The following PRORP variants were observed in gnomAD, a reference collection of about 807,000 sequenced individuals.
PRORP encodes the protein protein only RNase P catalytic subunit, also known as mitochondrial ribonuclease P catalytic subunit.
In PRORP, 51 loss-of-function variants were observed where a neutral mutation model predicts 59.4. The observed-to-expected ratio is 0.86, with a 90% CI of 0.69 to 1.08. The LOEUF (loss-of-function observed/expected upper bound fraction) is 1.08. Among genes scored for constraint, PRORP ranks in the 50% least tolerant of loss-of-function variants. PRORP has a pLI of 0.00. For synonymous variants in PRORP, 231 were observed against 245.6 expected, an observed-to-expected ratio of 0.94 and a Z score of 0.55; for missense variants, 646 against 690.3, an observed-to-expected ratio of 0.94 and a Z score of 0.72.
Position 35,124,516 on chromosome 14 carries a change from T to A in PRORP, c.986+285T>A, listed in dbSNP as rs575869551. Reference sequence around the variant, plus strand: ...TTGCTGAGAATCACTCTTCTGATTATACTTTTTTCCATCTCTTAGTAAGAT... The same window carrying A: ...TTGCTGAGAATCACTCTTCTGATTAAACTTTTTTCCATCTCTTAGTAAGAT... On this transcript the variant is annotated intron_variant, in intron 2 of 7. Coordinates refer to ENST00000534898, the MANE Select transcript of PRORP (RefSeq NM_014672.4). 68 of 202,390 alleles carry A rather than the reference T, an allele frequency of 3.4e-4. 1 individual carries two copies. The highest frequency in any genetic ancestry group is 3.1e-3 in the Admixed American group (53 of 16,826). The allele number at this position is 202,390 out of a possible 1,614,324, so 12.5% of individuals were successfully genotyped here. A position where few individuals can be genotyped will look rare whatever the true frequency, so the allele number is the denominator to read the frequency against.
At chr14:35,166,282 TC>T (rs1167142683) in intron 4 of PRORP, among the ~76,000 whole-genome samples, 1 of 152,124 alleles carries the variant, frequency 6.6e-6, no homozygotes, top group African/African-American at 2.4e-5. Context: ...GCATTTTTTT[TC>T]ATTTCTATTT....
chr14:35,229,182 T>C (rs2050010848), intron 5 of PRORP, among the ~76,000 whole-genome samples: 1 of 152,200 alleles, frequency 6.6e-6, no homozygotes. Context: ...CCTTATAGAT[T>C]CCTGGATATT....
At chr14:35,208,668 G>A (rs1483971590) in intron 5 of PRORP, among the ~76,000 whole-genome samples, 3 of 147,338 alleles carry the variant, frequency 2.0e-5, no homozygotes, top group African/African-American at 5.0e-5. Flanking sequence ...TCAGGAGTTC[G>A]AGACCAGCCT....
chr14:35,262,967 G>C (rs1351791238), intron 5 of PRORP: 21 of 1,598,830 alleles, frequency 1.3e-5, no homozygotes, highest in Non-Finnish European at 1.7e-5. Flanking sequence ...TTAAAAACAA[G>C]GATATCAGGA....
At chr14:35,215,777 T>C (rs1247491750) in intron 5 of PRORP, among the ~76,000 whole-genome samples, 3 of 151,796 alleles carry the variant, frequency 2.0e-5, no homozygotes, top group Non-Finnish European at 2.9e-5. Context: ...CTTTTTTTTT[T>C]TCTTGGGGGG....
intron 5 of PRORP, among the ~76,000 whole-genome samples, chr14:35,266,038 C>G (rs1282407423): frequency 6.7e-6 from 1 of 150,006 alleles, no homozygotes; most frequent in Non-Finnish European, 1.5e-5. Context: ...AAAAATTAGG[C>G]CAGGCATGGT....
intron 5 of PRORP, among the ~76,000 whole-genome samples, chr14:35,205,155 G>T (rs961049925): frequency 6.6e-6 from 1 of 151,894 alleles, no homozygotes; most frequent in Non-Finnish European, 1.5e-5. Context: ...TTCAACATCT[G>T]CTCTATTTTT....
chr14:35,264,943 C>A (rs1008074753), intron 5 of PRORP, among the ~76,000 whole-genome samples: 1 of 152,102 alleles, frequency 6.6e-6, no homozygotes, highest in African/African-American at 2.4e-5. Flanking sequence ...GAACTGAGAT[C>A]GCGCCACTGC....
intron 4 of PRORP, among the ~76,000 whole-genome samples, chr14:35,173,996 A>G (rs774390377): frequency 1.6e-4 from 24 of 152,188 alleles, no homozygotes; most frequent in South Asian, 1.5e-3. Context: ...CATTCTCAGG[A>G]TGGCTGGTTT....
intron 5 of PRORP, among the ~76,000 whole-genome samples, chr14:35,222,906 A>G (rs2049826548): frequency 6.6e-6 from 1 of 152,056 alleles, no homozygotes; most frequent in Non-Finnish European, 1.5e-5. Flanking sequence ...AGTCAGTTAT[A>G]TTATAATTTT....
chr14:35,122,240 C>CCA (rs1289071387), upstream of PRORP: 1 of 448,412 alleles, frequency 2.2e-6, no homozygotes, highest in East Asian at 3.8e-5. Context: ...ATTTTAAAGG[C>CCA]CACGATAAGC....
chr14:35,226,157 A>C (rs758153009), intron 5 of PRORP, among the ~76,000 whole-genome samples: 1 of 152,208 alleles, frequency 6.6e-6, no homozygotes, highest in Admixed American at 6.5e-5. Flanking sequence ...CAAATTAACT[A>C]TTTGGTGTTA....
chr14:35,188,191 A>ATTTT (rs35907061), intron 5 of PRORP, among the ~76,000 whole-genome samples: 3 of 111,022 alleles, frequency 2.7e-5, no homozygotes, highest in Non-Finnish European at 5.4e-5. Context: ...TTGAGTTGTA[A>ATTTT]TTTTTTTTTT....
At chr14:35,158,525 C>A in intron 4 of PRORP, 1 of 228,516 alleles carries the variant, frequency 4.4e-6, no homozygotes, top group South Asian at 7.1e-5. Flanking sequence ...ATTTTAAGTT[C>A]TTAGATTTCT....
chr14:35,211,483 C>CT (rs945188477), intron 5 of PRORP, among the ~76,000 whole-genome samples: 2 of 152,058 alleles, frequency 1.3e-5, no homozygotes, highest in Non-Finnish European at 2.9e-5. Context: ...AGACAGATAA[C>CT]TATCAGCCAA....
chr14:35,252,884 T>C (rs1352575660), intron 5 of PRORP, among the ~76,000 whole-genome samples: 1 of 151,770 alleles, frequency 6.6e-6, no homozygotes, highest in Non-Finnish European at 1.5e-5. Context: ...TGGCAAGAGG[T>C]GTTCTCTCCA....
chr14:35,266,894 A>G lies in PRORP; in HGVS notation c.1424+19A>G. On this transcript the variant is annotated intron_variant, in intron 6 of 7. Transcript: ENST00000534898. The stretch of plus-strand genomic sequence containing the variant: ...ATGACATGTAAGTGTTGGAGGTAAT[A>G]GGTGAATTATACTGTGCTGCAGACA... The G allele has an allele frequency of 6.2e-7, 1 of 1,613,844 alleles. No individual in the cohort carries two copies. The highest frequency in any genetic ancestry group is 8.5e-7 in the Non-Finnish European group (1 of 1,179,854).
intron 7 of PRORP, among the ~76,000 whole-genome samples, chr14:35,271,639 C>T (rs1050976244): frequency 6.6e-6 from 1 of 152,136 alleles, no homozygotes; most frequent in Admixed American, 6.5e-5. Context: ...AATATAAGGA[C>T]ACATCTTGTG....
At chr14:35,188,738 G>C (rs1350340152) in intron 5 of PRORP, among the ~76,000 whole-genome samples, 2 of 151,798 alleles carry the variant, frequency 1.3e-5, no homozygotes, top group South Asian at 2.1e-4. Flanking sequence ...AGAACTTTGG[G>C]ATGCCAAGAC....
Sources: gnomAD v4.1 joint callset for allele counts (sites outside exome capture counted in the v4.1 genomes callset) on GRCh38, gnomAD v4.1.1 for gene constraint, MANE v1.5 for transcripts, NCBI Gene and HGNC (gene_info 2026-07-23, HGNC 2026-07-21) for gene names.